ZNF280B: variants seen among roughly 807,000 people sequenced by gnomAD.
The protein encoded by ZNF280B is zinc finger protein 280B.
ZNF280B carries 16 observed loss-of-function variants against 38.0 expected under a neutral mutation model. That is an observed-to-expected ratio of 0.42 (90% CI 0.28 to 0.64). ZNF280B has a LOEUF of 0.64. ZNF280B is among the 30% of genes least tolerant of loss of function. ZNF280B has a pLI of 0.21. For synonymous variants in ZNF280B, 253 were observed against 230.6 expected (o/e 1.10, Z -0.88); for missense variants, 581 against 639.6 (o/e 0.91, Z 0.99).
intron 3 of ZNF280B, among the ~76,000 whole-genome samples, chr22:22,489,677 TTA>T (rs1491434952): frequency 8.1e-4 from 118 of 145,620 alleles, no homozygotes; most frequent in African/African-American, 2.6e-3. Context: ...CTATTCCATT[TTA>T]AAAAAAAAAA....
intron 2 of ZNF280B, among the ~76,000 whole-genome samples, chr22:22,503,603 T>C (rs1339464187): frequency 1.3e-5 from 2 of 151,976 alleles, no homozygotes; most frequent in African/African-American, 4.8e-5. Context: ...TTCCCAAGGA[T>C]GGAACAGTTA....
intron 2 of ZNF280B, among the ~76,000 whole-genome samples, chr22:22,503,902 G>C (rs1338302915): frequency 2.0e-5 from 3 of 151,716 alleles, no homozygotes; most frequent in Non-Finnish European, 4.4e-5. Flanking sequence ...ATGTAACTTG[G>C]GTCTCTGCGA....
In ZNF280B at chr22:22,485,760, A is replaced by C. The variant is rs966025516; in HGVS notation, c.*2007T>G. ...TTAAAAAGAAATCAAGGAAAAAGGG[A>C]GAGATTTCTCCAGACCTATGTATGT... On this transcript the variant is annotated 3_prime_UTR_variant, in exon 4 of 4. Transcript: ENST00000626650. The C allele has an allele frequency of 6.7e-6, 1 of 149,892 alleles. No individual in the cohort carries two copies. Among genetic ancestry groups the C allele is most frequent in the African/African-American group, 2.5e-5 (1 of 40,732 alleles). The allele number at this position is 149,892 out of a possible 1,614,324, so 9.3% of individuals were successfully genotyped here. A position where few individuals can be genotyped will look rare whatever the true frequency, so the allele number is the denominator to read the frequency against.
Position 22,485,748 on chromosome 22 carries a change from A to G in ZNF280B, c.*2019T>C, listed in dbSNP as rs1461950952. The G allele has an allele frequency of 1.3e-5, 2 of 151,318 alleles. No homozygotes were observed. The highest frequency in any genetic ancestry group is 2.4e-5 in the African/African-American group (1 of 41,152). 9.4% of individuals were successfully genotyped at this position (151,318 alleles called of 1,614,324 possible). A position where few individuals can be genotyped will look rare whatever the true frequency, so the allele number is the denominator to read the frequency against. On this transcript the variant is annotated 3_prime_UTR_variant, in exon 4 of 4. Coordinates refer to ENST00000626650, the MANE Select transcript of ZNF280B (RefSeq NM_080764.4). ...GATAAGGTACCTTTAAAAAGAAATC[A>G]AGGAAAAAGGGAGAGATTTCTCCAG...
In ZNF280B at chr22:22,487,447, T is replaced by TAAAAAAAAAAAAA. The variant is rs71199481; in HGVS notation, c.*307_*319dup. 2 of 66,748 alleles carry TAAAAAAAAAAAAA rather than the reference T, an allele frequency of 3.0e-5. No homozygotes were observed. The highest frequency in any genetic ancestry group is 9.8e-5 in the African/African-American group (2 of 20,486). 4.1% of individuals were successfully genotyped at this position (66,748 alleles called of 1,614,324 possible). On this transcript the variant is annotated 3_prime_UTR_variant, in exon 4 of 4. Transcript: ENST00000626650. Reference sequence around the variant, plus strand: ...TAACAGTGAGACCCTGTCTCTAAAGTAAAAAAAAAAAAAAAAAAAAAAAAA... The same window carrying TAAAAAAAAAAAAA: ...TAACAGTGAGACCCTGTCTCTAAAGTAAAAAAAAAAAAAAAAAAAAAAAAAAAAAAAAAAAAAA...
chr22:22,489,055 G>C lies in ZNF280B; in HGVS notation c.344C>G (p.Pro115Arg). The change falls in exon 4 of 4, where the codon CCT becomes CGT. Residue 115 changes from proline (P) to arginine (R), a missense_variant. Coordinates refer to ENST00000626650, the MANE Select transcript of ZNF280B (RefSeq NM_080764.4). ...TTTAGACAAAGGCTCAATAATAATA[G>C]GACTATCTGTTGATCTCGATTCAAG... ...SQLESRSTDS[P>R]IIIEPLSKPD... 1 of 1,613,812 alleles carries C rather than the reference G, an allele frequency of 6.2e-7. No homozygotes were observed. Among genetic ancestry groups the C allele is most frequent in the African/African-American group, 1.3e-5 (1 of 74,948 alleles).
chr22:22,494,379 G>A (rs1396346089), intron 2 of ZNF280B, among the ~76,000 whole-genome samples, 199 bp from the exon 3 acceptor site: 1 of 151,852 alleles, frequency 6.6e-6, no homozygotes, highest in African/African-American at 2.4e-5. Context: ...GCAAGGATCA[G>A]GAACAAAGCT....
At chr22:22,491,461 T>C (rs28494128) in intron 3 of ZNF280B, among the ~76,000 whole-genome samples, 2 of 142,130 alleles carry the variant, frequency 1.4e-5, no homozygotes, top group Non-Finnish European at 3.1e-5. Flanking sequence ...TTTTTTCTTT[T>C]TTTTTTTTTT....
chr22:22,507,208 G>A (rs362139), intron 2 of ZNF280B, among the ~76,000 whole-genome samples: 28,975 of 151,742 alleles, frequency 0.19, 3,190 homozygotes, highest in South Asian at 0.33. Context: ...ATCCAGCCAA[G>A]GGTTTCACTG....
intron 1 of ZNF280B, among the ~76,000 whole-genome samples, chr22:22,508,228 G>C (rs148288890): frequency 2.8e-3 from 420 of 152,034 alleles, no homozygotes; most frequent in Non-Finnish European, 5.2e-3. Flanking sequence ...TGCCTTAAGG[G>C]GTCTGGGCCT....
At chr22:22,506,247 G>T (rs748967588) in intron 2 of ZNF280B, among the ~76,000 whole-genome samples, 6 of 151,752 alleles carry the variant, frequency 4.0e-5, no homozygotes, top group Non-Finnish European at 8.8e-5. Context: ...AGAGGTCTGA[G>T]ATCTAAGCTC....
In ZNF280B at chr22:22,488,766, C is replaced by A. The variant is rs748798050; in HGVS notation, c.633G>T (p.Met211Ile). 4 of 1,613,716 alleles carry A rather than the reference C, an allele frequency of 2.5e-6. No homozygotes were observed. Among genetic ancestry groups the A allele is most frequent in the Non-Finnish European group, 1.7e-6 (2 of 1,179,970 alleles). The change falls in exon 4 of 4, where the codon ATG (methionine) becomes ATT (isoleucine). Residue 211 changes from methionine to isoleucine, a missense_variant. Met to Ile is a conservative substitution (Grantham distance 10, BLOSUM62 1). Coordinates refer to ENST00000626650, the MANE Select transcript of ZNF280B (RefSeq NM_080764.4). Reference sequence around the variant, plus strand: ...TTGAGGGTGTACTTTGCTGAGTATTCATTGTATGAAAGGTATCTGAAGGGA... The same window carrying A: ...TTGAGGGTGTACTTTGCTGAGTATTAATTGTATGAAAGGTATCTGAAGGGA... ...ASFPSDTFHT[M>I]NTQQSTPSNN...
intron 3 of ZNF280B, among the ~76,000 whole-genome samples, chr22:22,489,674 AT>A (rs927768236): frequency 0.031 from 4,495 of 145,624 alleles, 129 homozygotes; most frequent in African/African-American, 0.076. Flanking sequence ...GCTCTATTCC[AT>A]TTTAAAAAAA....
At chr22:22,498,867 G>T in intron 2 of ZNF280B, among the ~76,000 whole-genome samples, 1 of 128,506 alleles carries the variant, frequency 7.8e-6, no homozygotes, top group Non-Finnish European at 1.5e-5. Context: ...GCGTGATCTC[G>T]GCTCACTACA....
At chr22:22,505,186 A>C (rs889474792) in intron 2 of ZNF280B, among the ~76,000 whole-genome samples, 1 of 151,958 alleles carries the variant, frequency 6.6e-6, no homozygotes, top group African/African-American at 2.4e-5. Context: ...CAGGTGGACC[A>C]ATGAAAAGAG....
intron 3 of ZNF280B, among the ~76,000 whole-genome samples, chr22:22,492,324 T>C (rs961691512): frequency 1.3e-5 from 2 of 151,904 alleles, no homozygotes; most frequent in Middle Eastern, 3.2e-3. Flanking sequence ...CCTAGCCCAG[T>C]GTTTCCTAAG....
chr22:22,493,014 T>A (rs1179489638), intron 3 of ZNF280B, among the ~76,000 whole-genome samples: 1 of 151,960 alleles, frequency 6.6e-6, no homozygotes, highest in Non-Finnish European at 1.5e-5. Context: ...TTATTGTTAT[T>A]ATTTTTTCTT....
chr22:22,502,571 G>A (rs1255294064), intron 2 of ZNF280B, among the ~76,000 whole-genome samples: 1 of 151,776 alleles, frequency 6.6e-6, no homozygotes, highest in South Asian at 2.1e-4. Flanking sequence ...TGGTATATCC[G>A]TACAATGAAA....
At chr22:22,502,924 C>G (rs117058635) in intron 2 of ZNF280B, among the ~76,000 whole-genome samples, 3,939 of 152,032 alleles carry the variant, frequency 0.026, 74 homozygotes, top group Non-Finnish European at 0.039. Flanking sequence ...AATGCCACCA[C>G]AAATGTCCTT....
Sources: gnomAD v4.1 joint callset for allele counts (sites outside exome capture counted in the v4.1 genomes callset) on GRCh38, gnomAD v4.1.1 for gene constraint, MANE v1.5 for transcripts, NCBI Gene and HGNC (gene_info 2026-07-23, HGNC 2026-07-21) for gene names.